The following GREB1L variants were observed in gnomAD, a reference collection of about 807,000 sequenced individuals.
The protein encoded by GREB1L is GREB1 like retinoic acid receptor coactivator.
GREB1L carries 17 observed loss-of-function variants against 200.8 expected under a neutral mutation model. The observed-to-expected ratio is 0.08, with a 90% CI of 0.06 to 0.13. The LOEUF (loss-of-function observed/expected upper bound fraction) is 0.13, where lower values mean the gene tolerates loss of function less well. GREB1L is among the 10% of genes least tolerant of loss of function. The pLI, the probability that GREB1L is intolerant of heterozygous loss-of-function variation, is 1.00. For synonymous variants in GREB1L, 789 were observed against 893.0 expected (o/e 0.88, Z 2.08); for missense variants, 1,657 against 2,367.7 (o/e 0.70, Z 6.23).
At chr18:21,334,574 G>T (rs1384734906) in intron 1 of GREB1L, among the ~76,000 whole-genome samples, 1 of 152,022 alleles carries the variant, frequency 6.6e-6, no homozygotes, top group Admixed American at 6.6e-5. Context: ...GACCATCCTG[G>T]CTAACACAGT....
chr18:21,515,712 C>T (rs2037392393), intron 29 of GREB1L, 68 bp downstream of exon 29: 4 of 1,117,158 alleles, frequency 3.6e-6, no homozygotes, highest in Admixed American at 4.3e-5. Context: ...GCTCTAGCCT[C>T]TGTAATGCTT....
intron 1 of GREB1L, among the ~76,000 whole-genome samples, chr18:21,329,327 A>T (rs1244715428): frequency 1.3e-5 from 2 of 151,208 alleles, no homozygotes; most frequent in Non-Finnish European, 3.0e-5. Context: ...TCTGTCTAAA[A>T]AAAAAAAAAA....
At chr18:21,312,131 C>T in intron 1 of GREB1L, among the ~76,000 whole-genome samples, 1 of 152,136 alleles carries the variant, frequency 6.6e-6, no homozygotes, top group East Asian at 1.9e-4. Flanking sequence ...CAGCTCCATC[C>T]ATGTCCCTGC....
chr18:21,383,795 G>A (rs920687207), intron 3 of GREB1L, 120 bp downstream of exon 3: 38 of 957,214 alleles, frequency 4.0e-5, no homozygotes, highest in Middle Eastern at 6.4e-4. Flanking sequence ...TCACTGCAAC[G>A]TCTGCCTCCT....
At chr18:21,403,298 T>C (rs1342087050) in intron 6 of GREB1L, among the ~76,000 whole-genome samples, 2 of 152,216 alleles carry the variant, frequency 1.3e-5, no homozygotes, top group African/African-American at 4.8e-5. Flanking sequence ...GCTTGGCATA[T>C]CATGATCCGT....
In GREB1L at chr18:21,451,117, T is replaced by C. The variant is rs1490226654; in HGVS notation, c.1815T>C (p.Ser605=). Residue 605 remains serine (S), a synonymous_variant, in exon 13 of 33, where the codon AGT becomes AGC. Coordinates refer to ENST00000424526, the MANE Select transcript of GREB1L (RefSeq NM_001142966.3). The part of the protein sequence containing the change: ...ISYELITGKV[S]FLASHFKTTS... The stretch of plus-strand genomic sequence containing the variant: ...ATGAGCTTATCACAGGAAAGGTCAG[T>C]TTCCTGGCATCACATTTCAAAACCA... 1 of 1,551,722 alleles carries C rather than the reference T, an allele frequency of 6.4e-7. No individual in the cohort carries two copies. Among genetic ancestry groups the C allele is most frequent in the Non-Finnish European group, 8.7e-7 (1 of 1,146,956 alleles).
intron 1 of GREB1L, among the ~76,000 whole-genome samples, chr18:21,260,682 TA>T (rs563836087): frequency 0.2 from 30,113 of 151,920 alleles, 7,111 homozygotes; most frequent in African/African-American, 0.57. Flanking sequence ...TAATTAAAAA[TA>T]GTTGTATGAC....
chr18:21,244,087 A>T (rs1174725408), intron 1 of GREB1L, among the ~76,000 whole-genome samples: 1 of 152,244 alleles, frequency 6.6e-6, no homozygotes, highest in Admixed American at 6.5e-5. Flanking sequence ...ACATGAGATT[A>T]TTTAGCCAAA....
At chr18:21,472,574 C>T (rs1405908987) in intron 15 of GREB1L, among the ~76,000 whole-genome samples, 1 of 149,788 alleles carries the variant, frequency 6.7e-6, no homozygotes, top group African/African-American at 2.5e-5. Context: ...AACGTGGTAT[C>T]CTTGAACATT....
intron 7 of GREB1L, among the ~76,000 whole-genome samples, chr18:21,426,755 G>A (rs1280168928): frequency 2.0e-5 from 3 of 151,974 alleles, no homozygotes; most frequent in East Asian, 3.9e-4. Context: ...TCAGGAGATC[G>A]AGACCATCCT....
rs573983024 is a variant in GREB1L at position 21,518,543 on chromosome 18, G to A, written c.5472+309G>A. ...TCAGCTCCTCTAAGAAGCCTACCTCGGTGACTTTGGGCAGCAGTTGCTTGT... is the reference window on the plus strand; with the variant it reads ...TCAGCTCCTCTAAGAAGCCTACCTCAGTGACTTTGGGCAGCAGTTGCTTGT... On this transcript the variant is annotated intron_variant, in intron 31 of 32. Coordinates refer to ENST00000424526, the MANE Select transcript of GREB1L (RefSeq NM_001142966.3). Among the ~76,000 whole-genome samples, 14 of 152,220 alleles carry A rather than the reference G, an allele frequency of 9.2e-5. No individual in the cohort carries two copies. In the South Asian group the frequency reaches 2.9e-3, roughly 32 times the overall value.
chr18:21,268,631 T>C (rs2038029448), intron 1 of GREB1L, among the ~76,000 whole-genome samples: 1 of 146,224 alleles, frequency 6.8e-6, no homozygotes, highest in South Asian at 2.2e-4. Context: ...AGGGTTTCAT[T>C]CTCTTGCCCA....
At chr18:21,295,158 A>G (rs921018310) in intron 1 of GREB1L, among the ~76,000 whole-genome samples, 4 of 152,176 alleles carry the variant, frequency 2.6e-5, no homozygotes, top group African/African-American at 9.7e-5. Context: ...GGAGCCTTTT[A>G]TATCCTAAAA....
At chr18:21,434,624 A>G (rs1312260118) in intron 7 of GREB1L, among the ~76,000 whole-genome samples, 2 of 151,118 alleles carry the variant, frequency 1.3e-5, no homozygotes, top group African/African-American at 2.4e-5. Flanking sequence ...CCACCTCCAC[A>G]GTTAACTTTG....
At chr18:21,422,737 C>T (rs1302851104) in intron 7 of GREB1L, among the ~76,000 whole-genome samples, 3 of 152,092 alleles carry the variant, frequency 2.0e-5, no homozygotes, top group African/African-American at 7.2e-5. Flanking sequence ...CAATGAATAA[C>T]CTCAATATAT....
chr18:21,479,251 G>A (rs567861071), intron 17 of GREB1L, among the ~76,000 whole-genome samples: 2 of 152,240 alleles, frequency 1.3e-5, no homozygotes, highest in South Asian at 4.1e-4. Flanking sequence ...ATATTGGAGT[G>A]TAGAGACAAC....
At chr18:21,477,111 C>T in intron 16 of GREB1L, 53 bp from the exon 17 acceptor site, 1 of 1,207,816 alleles carries the variant, frequency 8.3e-7, no homozygotes, top group East Asian at 2.6e-5. Flanking sequence ...GTGTCTGATT[C>T]TATATCTACT....
intron 2 of GREB1L, among the ~76,000 whole-genome samples, chr18:21,377,983 C>T (rs1293333083): frequency 1.3e-5 from 2 of 152,122 alleles, no homozygotes; most frequent in East Asian, 1.9e-4. Context: ...CTACCTCAGC[C>T]CCCAAAGTGA....
intron 1 of GREB1L, among the ~76,000 whole-genome samples, chr18:21,271,201 T>C (rs1400636427): frequency 6.6e-6 from 1 of 152,162 alleles, no homozygotes; most frequent in Non-Finnish European, 1.5e-5. Context: ...AACTGAGTGG[T>C]TTTGGGCCCA....
Sources: allele counts gnomAD v4.1 joint callset (sites outside exome capture counted in the v4.1 genomes callset), GRCh38; gene constraint gnomAD v4.1.1; transcripts MANE v1.5; gene names NCBI Gene and HGNC (gene_info 2026-07-23, HGNC 2026-07-21).